Variants in PLPP7 observed in about 807,000 individuals in gnomAD.
PLPP7 encodes the protein phospholipid phosphatase 7 (inactive).
In PLPP7, 11 loss-of-function variants were observed where a neutral mutation model predicts 16.9. That is an observed-to-expected ratio of 0.65 (90% CI 0.41 to 1.08). The LOEUF is 1.08. PLPP7 is among the 50% of genes least tolerant of loss of function. PLPP7 has a pLI of 0.00. For missense variants in PLPP7, 358 were observed against 397.1 expected, an observed-to-expected ratio of 0.90 and a Z score of 0.84; for synonymous variants, 174 against 175.1, an observed-to-expected ratio of 0.99 and a Z score of 0.05.
chr9:131,291,316 T>C lies in PLPP7; in HGVS notation c.451+868T>C. 2.5e-6 allele frequency: 3 copies of C among 1,209,006 alleles called. No homozygotes were observed. In the South Asian group the frequency reaches 4.3e-5, roughly 17 times the overall value. The allele number at this position is 1,209,006 out of a possible 1,614,324, so 74.9% of individuals were successfully genotyped here. A position where few individuals can be genotyped will look rare whatever the true frequency, so the allele number is the denominator to read the frequency against. ...CGGTGTGGCCATCATTTGAGGGACA[T>C]GTGAGGTGGAGGTCTCAGGCAAGGC... On this transcript the variant is annotated intron_variant, in intron 1 of 1. Coordinates refer to ENST00000372264, the MANE Select transcript of PLPP7 (RefSeq NM_032728.4).
intron 1 of PLPP7, 137 bp from the exon 2 acceptor site, chr9:131,307,785 AC>A: frequency 1.2e-6 from 1 of 848,604 alleles, no homozygotes; most frequent in South Asian, 1.8e-5. Flanking sequence ...CTGAGAGGGG[AC>A]CCTGCCTGGG....
chr9:131,299,283 A>G (rs1835769283), intron 1 of PLPP7, among the ~76,000 whole-genome samples: 1 of 152,148 alleles, frequency 6.6e-6, no homozygotes, highest in African/African-American at 2.4e-5. Flanking sequence ...TGCAGCTCCC[A>G]CCAGCTCCCC....
At position 131,308,171 on chromosome 9, in the gene PLPP7, C is replaced by T. The variant is rs760050957; in HGVS notation, c.700C>T (p.Arg234Cys). 8.1e-6 allele frequency: 13 copies of T among 1,600,234 alleles called. No homozygotes were observed. The highest frequency in any genetic ancestry group is 1.6e-4 in the Middle Eastern group (1 of 6,082). ...CVGLSRVMIG[R>C]HHVTDVLSGF... ...GGGCCTGTCCCGCGTGATGATCGGC[C>T]GCCACCACGTCACGGACGTCCTCTC... Residue 234 changes from arginine (R) to cysteine (C), a missense_variant, in exon 2 of 2, where the codon CGC becomes TGC. Transcript: ENST00000372264.
rs1397710183 is a variant in PLPP7 at position 131,295,602 on chromosome 9, CTT to C, written c.451+5157_451+5158del. On this transcript the variant is annotated intron_variant, in intron 1 of 1. Transcript: ENST00000372264. The surrounding 1 kb of genome is among the most constrained non-coding windows in gnomAD (Gnocchi z 4.0). The stretch of plus-strand genomic sequence containing the variant: ...ATCACCACCATCCATCTCCAGAACT[CTT>C]TTCATCTTTCATCTTAAAACACAGA... Among the ~76,000 whole-genome samples the C allele has an allele frequency of 1.3e-5, 2 of 152,156 alleles. No individual in the cohort carries two copies.
chr9:131,291,028 C>G (rs1835669301), intron 1 of PLPP7: 1 of 1,356,338 alleles, frequency 7.4e-7, no homozygotes, highest in African/African-American at 1.5e-5. Context: ...TGCTCCTTCC[C>G]AGGGGGAGTC....
chr9:131,296,349 C>T (rs1297628088), intron 1 of PLPP7, among the ~76,000 whole-genome samples: 2 of 152,034 alleles, frequency 1.3e-5, no homozygotes, highest in South Asian at 2.1e-4. Flanking sequence ...CTGCAACCTC[C>T]GCCTCCCAGG....
chr9:131,300,555 G>T (rs567109327), intron 1 of PLPP7, among the ~76,000 whole-genome samples: 1 of 151,972 alleles, frequency 6.6e-6, no homozygotes, highest in Non-Finnish European at 1.5e-5. Context: ...TGTGGCCTGT[G>T]CCTGTGGTCC....
At chr9:131,301,382 C>T (rs1835796524) in intron 1 of PLPP7, among the ~76,000 whole-genome samples, 1 of 152,168 alleles carries the variant, frequency 6.6e-6, no homozygotes, top group Admixed American at 6.5e-5. Context: ...CATATTTCAG[C>T]CTACCATGGA....
At chr9:131,301,579 G>A in intron 1 of PLPP7, among the ~76,000 whole-genome samples, 1 of 152,198 alleles carries the variant, frequency 6.6e-6, no homozygotes, top group Non-Finnish European at 1.5e-5. Context: ...TGACCCTGGT[G>A]GGACCTTAGG....
Position 131,308,287 on chromosome 9 carries a change from AAGCGCCCGCCG to A in PLPP7, c.*1_*11del. Reference sequence around the variant, plus strand: ...GCCAGATGCTCATCTCTGCCTGGTGAAGCGCCCGCCGGCCCACACAAGCCTCTGGGGGCAGG... The same window carrying A: ...GCCAGATGCTCATCTCTGCCTGGTGAGCCCACACAAGCCTCTGGGGGCAGG... On this transcript the variant is annotated 3_prime_UTR_variant, in exon 2 of 2. Coordinates refer to ENST00000372264, the MANE Select transcript of PLPP7 (RefSeq NM_032728.4). The A allele has an allele frequency of 6.4e-7, 1 of 1,574,386 alleles. No homozygotes were observed. Among genetic ancestry groups the A allele is most frequent in the Non-Finnish European group, 8.6e-7 (1 of 1,167,908 alleles).
chr9:131,289,986 A>G lies in PLPP7; in HGVS notation c.-12A>G, dbSNP rs750733785. The G allele has an allele frequency of 7.0e-7, 1 of 1,428,626 alleles. No homozygotes were observed. The highest frequency in any genetic ancestry group is 1.5e-5 in the African/African-American group (1 of 68,710). 88.5% of individuals were successfully genotyped at this position (1,428,626 alleles called of 1,614,324 possible). On this transcript the variant is annotated 5_prime_UTR_variant, in exon 1 of 2. Transcript: ENST00000372264. ...GGCTGGCATCGGCCTTCTCGGGGTG[A>G]GCGAGGTCACCATGCCAGCTTCCCA...
chr9:131,300,628 A>G (rs904667429), intron 1 of PLPP7, among the ~76,000 whole-genome samples: 1 of 150,920 alleles, frequency 6.6e-6, no homozygotes, highest in Non-Finnish European at 1.5e-5. Context: ...GCTGCAATGA[A>G]CCATGTTTGC....
chr9:131,302,153 G>A (rs909218194), intron 1 of PLPP7, among the ~76,000 whole-genome samples: 2 of 151,942 alleles, frequency 1.3e-5, no homozygotes, highest in South Asian at 2.1e-4. Context: ...TCGACCCCTC[G>A]GCCAGAAGCA....
rs974860170 is a variant in PLPP7 at position 131,290,555 on chromosome 9, G to A, written c.451+107G>A. 2.7e-6 allele frequency: 3 copies of A among 1,125,782 alleles called. No homozygotes were observed. In the Admixed American group the frequency reaches 9.0e-5, roughly 34 times the overall value. 69.7% of individuals were successfully genotyped at this position (1,125,782 alleles called of 1,614,324 possible). A position where few individuals can be genotyped will look rare whatever the true frequency, so the allele number is the denominator to read the frequency against. On this transcript the variant is annotated intron_variant, in intron 1 of 1. Coordinates refer to ENST00000372264, the MANE Select transcript of PLPP7 (RefSeq NM_032728.4). The surrounding 1 kb of genome is among the most constrained non-coding windows in gnomAD (Gnocchi z 4.2). ...CCTGCACAGCCCTCAGAAACCGGCTGGGATGGTCTAATGAGGTTAGGCAGG... is the reference window on the plus strand; with the variant it reads ...CCTGCACAGCCCTCAGAAACCGGCTAGGATGGTCTAATGAGGTTAGGCAGG...
intron 1 of PLPP7, among the ~76,000 whole-genome samples, chr9:131,305,861 TCAAGC>T: frequency 6.6e-6 from 1 of 152,090 alleles, no homozygotes. Context: ...ACTCCTGGGC[TCAAGC>T]AATATGCTCA....
At position 131,308,099 on chromosome 9, in the gene PLPP7, C is replaced by T. The variant is rs1473289514; in HGVS notation, c.628C>T (p.Leu210=). The T allele has an allele frequency of 1.2e-6, 2 of 1,601,398 alleles. No individual in the cohort carries two copies. Among genetic ancestry groups the T allele is most frequent in the Non-Finnish European group, 1.7e-6 (2 of 1,179,780 alleles). The part of the protein sequence containing the change: ...VSKFFLSHLV[L]AVPLRVLLVL... ...CAAGTTCTTCCTCAGCCACCTGGTG[C>T]TGGCGGTGCCCCTGCGTGTGCTGCT... The change falls in exon 2 of 2, where the codon CTG becomes TTG. Residue 210 remains leucine (L), a synonymous_variant. Coordinates refer to ENST00000372264, the MANE Select transcript of PLPP7 (RefSeq NM_032728.4).
At chr9:131,293,243 C>A (rs564141053) in intron 1 of PLPP7, among the ~76,000 whole-genome samples, 1 of 97,992 alleles carries the variant, frequency 1.0e-5, no homozygotes, top group Non-Finnish European at 2.3e-5. Context: ...GGCTGCAGGT[C>A]GGGCATATCA....
At chr9:131,298,779 G>A (rs1399101469) in intron 1 of PLPP7, among the ~76,000 whole-genome samples, 2 of 152,224 alleles carry the variant, frequency 1.3e-5, no homozygotes, top group Non-Finnish European at 2.9e-5. Context: ...CAGCACTCTG[G>A]TTCCCTGGCC....
Position 131,307,245 on chromosome 9 carries a change from C to CAA in PLPP7, c.452-663_452-662dup, listed in dbSNP as rs1205183897. Among the ~76,000 whole-genome samples the CAA allele has an allele frequency of 2.3e-3, 224 of 97,906 alleles. 1 individual carries two copies. Among genetic ancestry groups the CAA allele is most frequent in the African/African-American group, 7.7e-3 (199 of 25,786 alleles). 64.2% of individuals were successfully genotyped at this position (97,906 alleles called of 152,430 possible). ...TGGGCAATAGAGCAAGACCCTGTAT[C>CAA]AAAAAAAAAAAAAAAAGGAAAAAGG... On this transcript the variant is annotated intron_variant, in intron 1 of 1. Coordinates refer to ENST00000372264, the MANE Select transcript of PLPP7 (RefSeq NM_032728.4).
Sources: allele counts gnomAD v4.1 joint callset (sites outside exome capture counted in the v4.1 genomes callset), GRCh38; gene constraint gnomAD v4.1.1; non-coding constraint Gnocchi (gnomAD v3.1); transcripts MANE v1.5; gene names NCBI Gene and HGNC (gene_info 2026-07-23, HGNC 2026-07-21).